RCHY1: variants seen among roughly 807,000 people sequenced by gnomAD.
RCHY1 encodes the protein ring finger and CHY zinc finger domain containing 1.
In RCHY1, 21 loss-of-function variants were observed where a neutral mutation model predicts 41.6. That is an observed-to-expected ratio of 0.51 (90% CI 0.36 to 0.73). RCHY1 has a LOEUF of 0.73. Ranked by LOEUF, RCHY1 falls within the 30% of genes least tolerant of loss-of-function variation. The pLI, the probability that RCHY1 is intolerant of heterozygous loss-of-function variation, is 0.00. For synonymous variants in RCHY1, 79 were observed against 102.9 expected (o/e 0.77, Z 1.41); for missense variants, 265 against 325.3 (o/e 0.81, Z 1.43).
rs1035447691 is a variant in RCHY1, at chr4:75,509,180, T to C, written c.207A>G (p.Gln69=). ...EVQCINCEKI[Q]HAQQTCEECS... ...TAGAAATGTCATAAAATCTTACATG[T>C]TGAATTTTTTCACAGTTTATGCACT... is the stretch of plus-strand genomic sequence containing the variant. The change falls in exon 2 of 9, where the codon CAA becomes CAG. Residue 69 remains glutamine, a synonymous_variant. Coordinates refer to ENST00000324439, the MANE Select transcript of RCHY1 (RefSeq NM_015436.4). 2.5e-6 allele frequency: 4 copies of C among 1,609,180 alleles called. No individual in the cohort carries two copies. The highest frequency in any genetic ancestry group is 3.4e-6 in the Non-Finnish European group (4 of 1,178,166).
intron 3 of RCHY1, among the ~76,000 whole-genome samples, chr4:75,499,246 T>C (rs1261206313): frequency 2.6e-5 from 4 of 152,164 alleles, no homozygotes; most frequent in African/African-American, 4.8e-5. Context: ...CCAGTTAGAA[T>C]GGCTTATATC....
intron 3 of RCHY1, among the ~76,000 whole-genome samples, chr4:75,505,031 C>T (rs1724161867): frequency 1.3e-5 from 2 of 152,166 alleles, no homozygotes; most frequent in African/African-American, 4.8e-5. Flanking sequence ...TTTCTGGCAC[C>T]AGGGACTGGT....
intron 8 of RCHY1, among the ~76,000 whole-genome samples, chr4:75,489,698 G>A (rs752199788): frequency 2.5e-4 from 38 of 152,168 alleles, no homozygotes; most frequent in Non-Finnish European, 4.7e-4. Context: ...ACTAAATGCC[G>A]CAAGGCTTTT....
At chr4:75,505,455 G>A (rs1724207862) in intron 3 of RCHY1, among the ~76,000 whole-genome samples, 1 of 152,170 alleles carries the variant, frequency 6.6e-6, no homozygotes, top group Admixed American at 6.5e-5. Flanking sequence ...TAACTTGAAT[G>A]TCAATAAATC....
At chr4:75,496,038 G>A (rs920699856) in intron 3 of RCHY1, among the ~76,000 whole-genome samples, 8 of 152,052 alleles carry the variant, frequency 5.3e-5, no homozygotes, top group African/African-American at 1.9e-4. Context: ...AATTTACTCA[G>A]CTATTGTGAA....
At position 75,479,767 on chromosome 4, in the gene RCHY1, G is replaced by A. The variant is rs773137511; in HGVS notation, c.*2771C>T. 3.9e-5 allele frequency: 6 copies of A among 151,926 alleles called. No homozygotes were observed. The highest frequency in any genetic ancestry group is 7.4e-5 in the Non-Finnish European group (5 of 67,962). The allele number at this position is 151,926 out of a possible 1,614,324, so 9.4% of individuals were successfully genotyped here. On this transcript the variant is annotated 3_prime_UTR_variant, in exon 9 of 9. Coordinates refer to ENST00000324439, the MANE Select transcript of RCHY1 (RefSeq NM_015436.4). ...CAAATAAACTATAGATACAAATTCTGCGGCAGGGCAACCTAACTTATTTCA... is the reference window on the plus strand; with the variant it reads ...CAAATAAACTATAGATACAAATTCTACGGCAGGGCAACCTAACTTATTTCA...
rs572625832 is a variant in RCHY1 at position 75,497,107 on chromosome 4, A to T, written c.327-2928T>A. On this transcript the variant is annotated intron_variant, in intron 3 of 8. Coordinates refer to ENST00000324439, the MANE Select transcript of RCHY1 (RefSeq NM_015436.4). ...GTTTGATATTGCTAACAAAAAGGTT[A>T]GTCAACTTGAAGGCACAGTAACAGA... Among the ~76,000 whole-genome samples, 3 of 152,250 alleles carry T rather than the reference A, an allele frequency of 2.0e-5. No homozygotes were observed. The East Asian group carries it at 5.8e-4, about 29-fold the overall frequency.
chr4:75,501,574 G>A (rs554129630), intron 3 of RCHY1, among the ~76,000 whole-genome samples: 1 of 152,242 alleles, frequency 6.6e-6, no homozygotes, highest in South Asian at 2.1e-4. Context: ...ATGCCTACTT[G>A]AAGTGAACAT....
Position 75,490,404 on chromosome 4 carries a change from G to A in RCHY1, c.657+177C>T, listed in dbSNP as rs530067474. 2.3e-4 allele frequency among the ~76,000 whole-genome samples: 35 copies of A among 151,348 alleles called. 1 individual carries two copies. Among genetic ancestry groups the A allele is most frequent in the African/African-American group, 8.2e-4 (34 of 41,308 alleles). On this transcript the variant is annotated intron_variant, in intron 8 of 8. Transcript: ENST00000324439. Reference sequence around the variant, plus strand: ...GTATTCTTAAGACTTTTTTTTTCCCGATCTGAGCTACTTAACTAAAATTTA... The same window carrying A: ...GTATTCTTAAGACTTTTTTTTTCCCAATCTGAGCTACTTAACTAAAATTTA...
intron 1 of RCHY1, among the ~76,000 whole-genome samples, chr4:75,513,309 TAGTAAC>T (rs1301142692): frequency 6.6e-6 from 1 of 152,162 alleles, no homozygotes; most frequent in East Asian, 1.9e-4. Flanking sequence ...TTGACGATGA[TAGTAAC>T]AGTCATGGTG....
chr4:75,511,684 A>T (rs1724893795), intron 1 of RCHY1, among the ~76,000 whole-genome samples: 1 of 152,154 alleles, frequency 6.6e-6, no homozygotes, highest in Admixed American at 6.5e-5. Flanking sequence ...CAACATTTTT[A>T]AGTGAAGCTG....
At chr4:75,492,217 C>G (rs1312641975) in intron 4 of RCHY1, among the ~76,000 whole-genome samples, 1 of 151,826 alleles carries the variant, frequency 6.6e-6, no homozygotes, top group Non-Finnish European at 1.5e-5. Flanking sequence ...GACACTTACC[C>G]AAGATCCAAA....
rs190603309 is a variant in RCHY1, at chr4:75,480,007, A to G, written c.*2531T>C. ...AGAGAAAGAAAAAATATTTAAGGGT[A>G]AAGTTATGTATTTTAAGTTTTGCAT... On this transcript the variant is annotated 3_prime_UTR_variant, in exon 9 of 9. Coordinates refer to ENST00000324439, the MANE Select transcript of RCHY1 (RefSeq NM_015436.4). 6.6e-6 allele frequency: 1 copy of G among 152,314 alleles called. No individual in the cohort carries two copies. The highest frequency in any genetic ancestry group is 2.4e-5 in the African/African-American group (1 of 41,566). 9.4% of individuals were successfully genotyped at this position (152,314 alleles called of 1,614,324 possible).
chr4:75,497,925 G>A (rs1475331653), intron 3 of RCHY1, among the ~76,000 whole-genome samples: 1 of 151,098 alleles, frequency 6.6e-6, no homozygotes, highest in Non-Finnish European at 1.5e-5. Context: ...AAGAAGACGT[G>A]CACAGGAGAA....
At chr4:75,505,191 C>A (rs1288572120) in intron 3 of RCHY1, among the ~76,000 whole-genome samples, 1 of 152,108 alleles carries the variant, frequency 6.6e-6, no homozygotes, top group South Asian at 2.1e-4. Context: ...GTTTGTGCTC[C>A]TATGAGAATC....
At chr4:75,500,534 C>T (rs1242295616) in intron 3 of RCHY1, among the ~76,000 whole-genome samples, 1 of 152,152 alleles carries the variant, frequency 6.6e-6, no homozygotes, top group East Asian at 1.9e-4. Context: ...TATAATGAAG[C>T]TATTTTAAAA....
chr4:75,509,172 C>T lies in RCHY1; in HGVS notation c.210+5G>A. 6.2e-7 allele frequency: 1 copy of T among 1,607,092 alleles called. No individual in the cohort carries two copies. Among genetic ancestry groups the T allele is most frequent in the Non-Finnish European group, 8.5e-7 (1 of 1,177,232 alleles). Reference sequence around the variant, plus strand: ...AAAGAAAATAGAAATGTCATAAAATCTTACATGTTGAATTTTTTCACAGTT... The same window carrying T: ...AAAGAAAATAGAAATGTCATAAAATTTTACATGTTGAATTTTTTCACAGTT... On this transcript the variant is annotated splice_donor_5th_base_variant and intron_variant, in intron 2 of 8. Transcript: ENST00000324439.
intron 1 of RCHY1, among the ~76,000 whole-genome samples, chr4:75,512,119 A>G (rs574258145): frequency 1.8e-4 from 27 of 152,328 alleles, no homozygotes; most frequent in Non-Finnish European, 2.8e-4. Context: ...GCAGGTGAAT[A>G]TGGCTAGAGA....
In RCHY1 at chr4:75,487,669, TATATATTCATAATATATATATTC is replaced by T. The variant is rs1560513069; in HGVS notation, c.657+2889_657+2911del. 9.0e-5 allele frequency among the ~76,000 whole-genome samples: 7 copies of T among 77,358 alleles called. 1 individual carries two copies. Among genetic ancestry groups the T allele is most frequent in the East Asian group, 3.4e-4 (1 of 2,942 alleles). 50.7% of individuals were successfully genotyped at this position (77,358 alleles called of 152,430 possible). A position where few individuals can be genotyped will look rare whatever the true frequency, so the allele number is the denominator to read the frequency against. ...TATATATTCATAATATATATATTCA[TATATATTCATAATATATATATTC>T]ATATATATATTCATAATATATATTC... is the stretch of plus-strand genomic sequence containing the variant. On this transcript the variant is annotated intron_variant, in intron 8 of 8. Transcript: ENST00000324439.
Sources: gnomAD v4.1 joint callset for allele counts (sites outside exome capture counted in the v4.1 genomes callset) on GRCh38, gnomAD v4.1.1 for gene constraint, MANE v1.5 for transcripts, NCBI Gene and HGNC (gene_info 2026-07-23, HGNC 2026-07-21) for gene names.